The following TMEM232 variants were observed in gnomAD, a reference collection of about 807,000 sequenced individuals.
The protein encoded by TMEM232 is transmembrane protein 232.
A neutral mutation model predicts 78.8 loss-of-function variants in TMEM232; 80 were observed. The ratio of observed to expected loss-of-function variants is 1.01; its 90% CI spans 0.85 to 1.22. The LOEUF (loss-of-function observed/expected upper bound fraction) is 1.22. Ranked by LOEUF, TMEM232 falls within the 50% of genes most tolerant of loss-of-function variation. The pLI is 0.00. For missense variants in TMEM232, 881 were observed against 742.2 expected, an observed-to-expected ratio of 1.19 and a Z score of -2.17; for synonymous variants, 297 against 254.3, an observed-to-expected ratio of 1.17 and a Z score of -1.60.
At chr5:110,518,101 T>A (rs1190311073) in intron 12 of TMEM232, among the ~76,000 whole-genome samples, 1 of 150,222 alleles carries the variant, frequency 6.7e-6, no homozygotes, top group Non-Finnish European at 1.5e-5. Flanking sequence ...TTGCTATTTT[T>A]TCACATATTT....
rs991306242 is a variant in TMEM232 at position 110,420,703 on chromosome 5, T to G, written c.1851A>C (p.Gln617His). The G allele has an allele frequency of 3.3e-6, 5 of 1,528,020 alleles. No homozygotes were observed. Among genetic ancestry groups the G allele is most frequent in the African/African-American group, 1.4e-5 (1 of 72,298 alleles). 94.7% of individuals were successfully genotyped at this position (1,528,020 alleles called of 1,614,324 possible). ...REKEDAICKA[Q>H]ELKDKKLAEK... ...CTGCTAACTTTTTATCTTTAAGTTCTTGGGCCTTGCATATTGCATCTTCTT... is the reference window on the plus strand; with the variant it reads ...CTGCTAACTTTTTATCTTTAAGTTCGTGGGCCTTGCATATTGCATCTTCTT... Residue 617 changes from glutamine to histidine, a missense_variant, in exon 14 of 14, where the codon CAA (glutamine) becomes CAC (histidine). Transcript: ENST00000455884.
At chr5:110,457,670 C>T (rs1261679004) in intron 12 of TMEM232, among the ~76,000 whole-genome samples, 1 of 151,960 alleles carries the variant, frequency 6.6e-6, no homozygotes, top group Non-Finnish European at 1.5e-5. Flanking sequence ...AAGGAATTTA[C>T]ACTAATTGCA....
chr5:110,563,499 T>C (rs1450965680), intron 11 of TMEM232, among the ~76,000 whole-genome samples: 1 of 151,788 alleles, frequency 6.6e-6, no homozygotes, highest in Admixed American at 6.6e-5. Flanking sequence ...GTAATACAAA[T>C]AATTGAAAGA....
At chr5:110,393,539 A>G (rs1333501975) in intron 3 of TMEM232, among the ~76,000 whole-genome samples, 1 of 152,142 alleles carries the variant, frequency 6.6e-6, no homozygotes, top group African/African-American at 2.4e-5. Context: ...AAATTGACTA[A>G]CTATAGATAG....
chr5:110,606,298 T>C lies in TMEM232; in HGVS notation c.903-11A>G. On this transcript the variant is annotated splice_polypyrimidine_tract_variant and intron_variant, in intron 8 of 13. Coordinates refer to ENST00000455884, the MANE Select transcript of TMEM232 (RefSeq NM_001039763.4). ...AGTACTGAATCCAACCTGAAAATTT[T>C]ATGGACGAAAGGATAAAGATTTTAA... 1 of 1,513,214 alleles carries C rather than the reference T, an allele frequency of 6.6e-7. No homozygotes were observed. The highest frequency in any genetic ancestry group is 8.9e-7 in the Non-Finnish European group (1 of 1,126,812). 93.7% of individuals were successfully genotyped at this position (1,513,214 alleles called of 1,614,324 possible).
At chr5:110,391,929 A>C (rs1390474299) in intron 3 of TMEM232, among the ~76,000 whole-genome samples, 1 of 152,226 alleles carries the variant, frequency 6.6e-6, no homozygotes, top group Admixed American at 6.5e-5. Context: ...CAGAGTCTGC[A>C]GGCTTACTGA....
intron 10 of TMEM232, among the ~76,000 whole-genome samples, chr5:110,578,700 A>T (rs951285776): frequency 3.9e-5 from 6 of 151,960 alleles, no homozygotes; most frequent in African/African-American, 1.4e-4. Context: ...TTAAAAAGTG[A>T]AAAAATTCTC....
rs1756452552 is a variant in TMEM232 at position 110,419,641 on chromosome 5, C to T, written c.*939G>A. Among the ~76,000 whole-genome samples, 1 of 152,016 alleles carries T rather than the reference C, an allele frequency of 6.6e-6. No homozygotes were observed. The highest frequency in any genetic ancestry group is 2.4e-5 in the African/African-American group (1 of 41,412). On this transcript the variant is annotated 3_prime_UTR_variant, in exon 14 of 14. Coordinates refer to ENST00000455884, the MANE Select transcript of TMEM232 (RefSeq NM_001039763.4). ...TCTATATGGGATAGGTATTCCTTAG[C>T]CGGCTTCACTAATTTATGTTACCTT...
intron 1 of TMEM232, among the ~76,000 whole-genome samples, chr5:110,726,131 C>CACACAT (rs1228249217): frequency 5.3e-5 from 8 of 150,058 alleles, no homozygotes; most frequent in Non-Finnish European, 1.0e-4. Context: ...CACACACACA[C>CACACAT]ACACACACAG....
intron 6 of TMEM232, among the ~76,000 whole-genome samples, chr5:110,627,469 A>C: frequency 6.6e-6 from 1 of 152,080 alleles, no homozygotes; most frequent in Non-Finnish European, 1.5e-5. Flanking sequence ...AGAAGGAATA[A>C]GGTCTAGTGA....
intron 2 of TMEM232, among the ~76,000 whole-genome samples, chr5:110,648,336 C>G (rs985999389): frequency 2.0e-5 from 3 of 151,998 alleles, no homozygotes; most frequent in Non-Finnish European, 2.9e-5. Context: ...AACTGGAAAA[C>G]AGTTGGATGT....
chr5:110,572,255 AGTTT>A (rs1194112573), intron 10 of TMEM232, among the ~76,000 whole-genome samples: 1 of 152,066 alleles, frequency 6.6e-6, no homozygotes, highest in African/African-American at 2.4e-5. Flanking sequence ...AATGTCCTGT[AGTTT>A]GTTGTAAAAA....
Position 110,568,621 on chromosome 5 carries a change from A to T in TMEM232, c.1281T>A (p.Asp427Glu). The T allele has an allele frequency of 6.5e-7, 1 of 1,529,900 alleles. No individual in the cohort carries two copies. The highest frequency in any genetic ancestry group is 8.8e-7 in the Non-Finnish European group (1 of 1,141,036). The allele number at this position is 1,529,900 out of a possible 1,614,324, so 94.8% of individuals were successfully genotyped here. The part of the protein sequence containing the change: ...YFSSKMSENC[D>E]QVVWTGYYGL... ...CATAGTAACCAGTCCAGACTACTTG[A>T]TCACCTGTTTAAAAAGAAAAAGTCT... The change falls in exon 11 of 14, where the codon GAT (aspartate) becomes GAA (glutamate). Residue 427 changes from aspartate to glutamate, a missense_variant. Asp to Glu is a conservative substitution (Grantham distance 45, BLOSUM62 2). Coordinates refer to ENST00000455884, the MANE Select transcript of TMEM232 (RefSeq NM_001039763.4).
At chr5:110,612,972 G>GTT (rs1782497140) in intron 8 of TMEM232, among the ~76,000 whole-genome samples, 1 of 152,114 alleles carries the variant, frequency 6.6e-6, no homozygotes, top group Non-Finnish European at 1.5e-5. Flanking sequence ...ATTTAACTGC[G>GTT]TTAAGTGGAA....
At chr5:110,455,734 A>C (rs1760830993) in intron 12 of TMEM232, among the ~76,000 whole-genome samples, 1 of 152,172 alleles carries the variant, frequency 6.6e-6, no homozygotes. Context: ...CTAATATATT[A>C]ACACAAAAAG....
At chr5:110,506,390 C>T (rs1766910564) in intron 12 of TMEM232, among the ~76,000 whole-genome samples, 1 of 152,014 alleles carries the variant, frequency 6.6e-6, no homozygotes, top group Non-Finnish European at 1.5e-5. Context: ...TAATTTCACC[C>T]TTCACCATTT....
intron 1 of TMEM232, among the ~76,000 whole-genome samples, chr5:110,700,891 C>T (rs943023096): frequency 1.2e-4 from 18 of 151,984 alleles, no homozygotes; most frequent in African/African-American, 4.1e-4. Context: ...CTCAACCCCA[C>T]CTTTCCTAAA....
intron 12 of TMEM232, among the ~76,000 whole-genome samples, chr5:110,502,874 A>C (rs1766424960): frequency 1.3e-5 from 2 of 152,136 alleles, no homozygotes; most frequent in Admixed American, 1.3e-4. Context: ...CCTCAAAGAG[A>C]TCTTTCCTGG....
chr5:110,680,447 G>A (rs574503073), intron 1 of TMEM232, among the ~76,000 whole-genome samples: 1 of 140,414 alleles, frequency 7.1e-6, no homozygotes, highest in South Asian at 2.5e-4. Flanking sequence ...TAAAGTCATT[G>A]TGTAACAAAA....
Sources: allele counts gnomAD v4.1 joint callset (sites outside exome capture counted in the v4.1 genomes callset), GRCh38; gene constraint gnomAD v4.1.1; transcripts MANE v1.5; gene names NCBI Gene and HGNC (gene_info 2026-07-23, HGNC 2026-07-21).